Variants in CCDC73 observed in about 807,000 individuals in gnomAD.
CCDC73 encodes the protein coiled-coil domain-containing protein 73.
In CCDC73, 95 loss-of-function variants were observed where a neutral mutation model predicts 116.5. That is an observed-to-expected ratio of 0.82 (90% CI 0.69 to 0.97). CCDC73 has a LOEUF of 0.97. Among genes scored for constraint, CCDC73 ranks in the 50% least tolerant of loss-of-function variants. The probability of loss-of-function intolerance (pLI) is 0.00; values close to 1 mark genes in which losing one functional copy is unlikely to be tolerated. For missense variants in CCDC73, 1,066 were observed against 1,206.8 expected (o/e 0.88, Z 1.73); for synonymous variants, 398 against 401.3 (o/e 0.99, Z 0.10).
At chr11:32,703,267 T>C (rs1849828670) in intron 3 of CCDC73, among the ~76,000 whole-genome samples, 1 of 152,056 alleles carries the variant, frequency 6.6e-6, no homozygotes, top group Admixed American at 6.6e-5. Context: ...TTTGCACTTT[T>C]TGTAAAGACA....
At chr11:32,789,953 A>C (rs559230703) in intron 1 of CCDC73, among the ~76,000 whole-genome samples, 1 of 152,332 alleles carries the variant, frequency 6.6e-6, no homozygotes, top group African/African-American at 2.4e-5. Context: ...AAGATTTAAA[A>C]TCTTAAAAGA....
intron 14 of CCDC73, among the ~76,000 whole-genome samples, chr11:32,618,999 T>A (rs539902704): frequency 6.6e-6 from 1 of 152,376 alleles, no homozygotes; most frequent in Admixed American, 6.5e-5. Context: ...TGTCTGTTCA[T>A]GTCTTTTGTC....
intron 2 of CCDC73, among the ~76,000 whole-genome samples, chr11:32,726,970 T>A (rs910551): frequency 0.59 from 89,645 of 151,964 alleles, 26,749 homozygotes; most frequent in East Asian, 0.84. Context: ...GCCAGGATCC[T>A]GTCCAGGTTA....
chr11:32,675,519 T>C (rs1447932799), intron 9 of CCDC73, 46 bp downstream of exon 9: 1 of 1,216,456 alleles, frequency 8.2e-7, no homozygotes, highest in East Asian at 2.6e-5. Flanking sequence ...AAGACTATTT[T>C]ATATTATAAT....
intron 12 of CCDC73, among the ~76,000 whole-genome samples, chr11:32,644,648 C>CAA (rs1454683832): frequency 2.0e-5 from 3 of 152,054 alleles, no homozygotes; most frequent in Non-Finnish European, 4.4e-5. Context: ...CTCCCATTTC[C>CAA]CCTCCCCAGT....
Position 32,702,865 on chromosome 11 carries a change from G to A in CCDC73, c.279+8C>T, listed in dbSNP as rs372508021. 2.5e-5 allele frequency: 40 copies of A among 1,588,056 alleles called. No individual in the cohort carries two copies. The highest frequency in any genetic ancestry group is 3.3e-5 in the Non-Finnish European group (38 of 1,156,356). On this transcript the variant is annotated splice_region_variant and intron_variant, in intron 4 of 17. Transcript: ENST00000335185. ...AATGGTAGTGTTTGTCTATCCTTATGAAATTACCTGCTTTTTAAAAACTGC... is the reference window on the plus strand; with the variant it reads ...AATGGTAGTGTTTGTCTATCCTTATAAAATTACCTGCTTTTTAAAAACTGC...
In CCDC73 at chr11:32,760,173, G is replaced by C; in HGVS notation, c.71C>G (p.Ser24Cys). Residue 24 changes from serine to cysteine, a missense_variant, in exon 2 of 18, where the codon TCT becomes TGT. Ser to Cys is a moderately radical substitution (Grantham distance 112). Coordinates refer to ENST00000335185, the MANE Select transcript of CCDC73 (RefSeq NM_001008391.4). ...TGTTTTGAAATCTAATAGCTGAATA[G>C]AAAACAATGTCTCTGAAGAACTTTG... ...TLQSSSETLF[S>C]IQLLDFKTSL... 6.2e-7 allele frequency: 1 copy of C among 1,600,990 alleles called. No homozygotes were observed. The highest frequency in any genetic ancestry group is 2.2e-5 in the East Asian group (1 of 44,654).
At chr11:32,776,936 A>ATATAT (rs1554970184) in intron 1 of CCDC73, among the ~76,000 whole-genome samples, 8 of 36,464 alleles carry the variant, frequency 2.2e-4, no homozygotes, top group Admixed American at 1.5e-3. Context: ...AAAAAAAAAA[A>ATATAT]ATATATATAT....
chr11:32,651,585 A>G (rs1855826588), intron 12 of CCDC73, among the ~76,000 whole-genome samples: 1 of 152,224 alleles, frequency 6.6e-6, no homozygotes. Flanking sequence ...GGTAGTGGAA[A>G]TACCTGAGCT....
chr11:32,755,807 A>C (rs1236894711), intron 2 of CCDC73, among the ~76,000 whole-genome samples: 2 of 133,308 alleles, frequency 1.5e-5, no homozygotes, highest in African/African-American at 5.6e-5. Flanking sequence ...ATGTGTATAT[A>C]TATATCTCCA....
intron 2 of CCDC73, 43 bp from the exon 3 acceptor site, chr11:32,718,190 T>C: frequency 7.4e-7 from 1 of 1,347,646 alleles, no homozygotes; most frequent in South Asian, 1.2e-5. Context: ...AAATAAAGAC[T>C]TTAAAACTTC....
intron 1 of CCDC73, among the ~76,000 whole-genome samples, chr11:32,764,333 G>A (rs937713603): frequency 1.3e-5 from 2 of 152,170 alleles, no homozygotes; most frequent in African/African-American, 4.8e-5. Flanking sequence ...AAGTTGAAAT[G>A]AAGGAAAAAA....
chr11:32,767,019 C>A (rs1850448724), intron 1 of CCDC73, among the ~76,000 whole-genome samples: 1 of 152,170 alleles, frequency 6.6e-6, no homozygotes, highest in Non-Finnish European at 1.5e-5. Context: ...CCAAGGCAAT[C>A]CTAAGCCAAA....
At chr11:32,754,878 CTT>C (rs34982926) in intron 2 of CCDC73, among the ~76,000 whole-genome samples, 2,799 of 86,530 alleles carry the variant, frequency 0.032, 22 homozygotes, top group South Asian at 0.055. Context: ...ATGGCTTCAA[CTT>C]TTTTTTTTTT....
chr11:32,755,581 ATATGTG>A lies in CCDC73; in HGVS notation c.135+4522_135+4527del, dbSNP rs1565094072. Among the ~76,000 whole-genome samples the A allele has an allele frequency of 2.0e-4, 24 of 118,832 alleles. 4 individuals carry two copies. Among genetic ancestry groups the A allele is most frequent in the East Asian group, 1.0e-3 (3 of 2,892 alleles). 78.0% of individuals were successfully genotyped at this position (118,832 alleles called of 152,430 possible). On this transcript the variant is annotated intron_variant, in intron 2 of 17. Transcript: ENST00000335185. ...TATATATGTACATATATATCCATATATATGTGTGTATATATATATCCATATATATGT... is the reference window on the plus strand; with the variant it reads ...TATATATGTACATATATATCCATATATGTATATATATATCCATATATATGT...
chr11:32,649,672 A>C (rs569015149), intron 12 of CCDC73, among the ~76,000 whole-genome samples: 1 of 152,328 alleles, frequency 6.6e-6, no homozygotes, highest in Admixed American at 6.5e-5. Flanking sequence ...TCTGCAGACA[A>C]GTACTGATCC....
chr11:32,763,183 C>T (rs1048429751), intron 1 of CCDC73, among the ~76,000 whole-genome samples: 5 of 152,332 alleles, frequency 3.3e-5, no homozygotes, highest in African/African-American at 4.8e-5. Context: ...AAGGCATAGC[C>T]GAACAAAAGG....
chr11:32,830,451 C>T, the CCDC73 span: 3 of 1,260,038 alleles, frequency 2.4e-6, no homozygotes, highest in Non-Finnish European at 3.2e-6. Context: ...TCGACAGAAA[C>T]TCAAAGTGCT....
rs565980499 is a variant in CCDC73, at chr11:32,772,058, G to A, written c.-15-11800C>T. Among the ~76,000 whole-genome samples the A allele has an allele frequency of 3.3e-5, 5 of 152,320 alleles. No individual in the cohort carries two copies. The East Asian group carries it at 5.8e-4, about 18-fold the overall frequency. On this transcript the variant is annotated intron_variant, in intron 1 of 17. Coordinates refer to ENST00000335185, the MANE Select transcript of CCDC73 (RefSeq NM_001008391.4). ...TACAAACTCAGGTGCAGTTGCAACA[G>A]AGCCTAGGCAAGACCAGCAGAAAAA...
Sources: allele counts gnomAD v4.1 joint callset (sites outside exome capture counted in the v4.1 genomes callset), GRCh38; gene constraint gnomAD v4.1.1; transcripts MANE v1.5; gene names NCBI Gene and HGNC (gene_info 2026-07-23, HGNC 2026-07-21).